The following CHAT variants were observed in gnomAD, a reference collection of about 807,000 sequenced individuals.
The protein encoded by CHAT is acetyl CoA:choline O-acetyltransferase.
In CHAT, 61 loss-of-function variants were observed where a neutral mutation model predicts 76.9. The ratio of observed to expected loss-of-function variants is 0.79; its 90% CI spans 0.65 to 0.98. The LOEUF (loss-of-function observed/expected upper bound fraction) is 0.98, where lower values mean the gene tolerates loss of function less well. Ranked by LOEUF, CHAT falls within the 50% of genes least tolerant of loss-of-function variation. CHAT has a pLI of 0.00. For synonymous variants in CHAT, 407 were observed against 397.4 expected (o/e 1.02, Z -0.29); for missense variants, 946 against 986.9 (o/e 0.96, Z 0.56).
At chr10:49,615,990 C>G (rs1256102659) in intron 1 of CHAT, 5 of 1,580,358 alleles carry the variant, frequency 3.2e-6, no homozygotes, top group Non-Finnish European at 3.5e-6. Context: ...TCCATTCACC[C>G]ACGCATGCAT....
At chr10:49,628,716 C>G (rs1839010052) in intron 7 of CHAT, among the ~76,000 whole-genome samples, 1 of 152,218 alleles carries the variant, frequency 6.6e-6, no homozygotes, top group Non-Finnish European at 1.5e-5. Flanking sequence ...GTGAAAGGCT[C>G]TGTTAGAAGA....
chr10:49,663,713 G>A (rs1840269393), intron 14 of CHAT, among the ~76,000 whole-genome samples: 1 of 152,226 alleles, frequency 6.6e-6, no homozygotes, highest in Admixed American at 6.5e-5. Context: ...TGGATGGGCA[G>A]TACTGGAGTT....
At chr10:49,638,760 A>C (rs1482318256) in intron 7 of CHAT, among the ~76,000 whole-genome samples, 1 of 152,210 alleles carries the variant, frequency 6.6e-6, no homozygotes, top group Non-Finnish European at 1.5e-5. Context: ...ATCTCTATAT[A>C]CATTTAGAAC....
At chr10:49,612,668 C>T, upstream of CHAT, 1 of 319,884 alleles carries the variant, frequency 3.1e-6, no homozygotes, top group Non-Finnish European at 6.0e-6. Flanking sequence ...CAAACTTGGG[C>T]CGCTGCACCG....
rs1340997411 is a variant in CHAT, at chr10:49,666,250, C to G, written c.*1204C>G. On this transcript the variant is annotated 3_prime_UTR_variant, in exon 15 of 15. Transcript: ENST00000337653. ...GTCAGCCCCAGCCCCAGCCCCAGCT[C>G]CAGCTCCAGCCCCAGCTCCAGCTCC... Among the ~76,000 whole-genome samples the G allele has an allele frequency of 6.7e-6, 1 of 149,632 alleles. No individual in the cohort carries two copies. The highest frequency in any genetic ancestry group is 1.9e-4 in the East Asian group (1 of 5,158).
At chr10:49,629,528 C>A (rs1839041463) in intron 7 of CHAT, among the ~76,000 whole-genome samples, 1 of 152,238 alleles carries the variant, frequency 6.6e-6, no homozygotes, top group African/African-American at 2.4e-5. Context: ...AGACAGGCAT[C>A]AAAATAATCG....
At chr10:49,610,073 G>A (rs564334685), upstream of CHAT, among the ~76,000 whole-genome samples, 10 of 152,046 alleles carry the variant, frequency 6.6e-5, no homozygotes, top group African/African-American at 2.4e-4. Flanking sequence ...GGCGCGGAAC[G>A]CCCATCCCAG....
chr10:49,627,899 T>C, intron 7 of CHAT, 114 bp downstream of exon 7: 1 of 1,270,994 alleles, frequency 7.9e-7, no homozygotes, highest in Non-Finnish European at 1.1e-6. Context: ...GTGTGGGAGC[T>C]CAGGGCCCAC....
At chr10:49,612,345 C>T (rs1285034659), upstream of CHAT, 1 of 1,576,270 alleles carries the variant, frequency 6.3e-7, no homozygotes, top group African/African-American at 1.3e-5. Context: ...GCTAGCATCC[C>T]CACTCCTCCT....
At chr10:49,642,984 G>A (rs774954674) in intron 7 of CHAT, among the ~76,000 whole-genome samples, 22 of 152,214 alleles carry the variant, frequency 1.4e-4, no homozygotes, top group Non-Finnish European at 3.2e-4. Context: ...CATAGCCCTT[G>A]TTGATGAACC....
rs1309649864 is a variant in CHAT at position 49,614,239 on chromosome 10, G to T, written c.50G>T (p.Trp17Leu). Residue 17 changes from tryptophan to leucine, a missense_variant, in exon 1 of 15, where the codon TGG becomes TTG. Coordinates refer to ENST00000337653, the MANE Select transcript of CHAT (RefSeq NM_020549.5). ...AGGGGGCTTGGGGGAGGGGGGAAAT[G>T]GAAGAGAGAGGAGGGAGGAGGTACA... is the stretch of plus-strand genomic sequence containing the variant. Reference protein sequence around the residue: ...KKRGLGGGGKWKREEGGGTRG... With the variant: ...KKRGLGGGGKLKREEGGGTRG... 6.5e-7 allele frequency: 1 copy of T among 1,544,358 alleles called. No homozygotes were observed. The highest frequency in any genetic ancestry group is 8.7e-7 in the Non-Finnish European group (1 of 1,143,344).
rs1035875545 is a variant in CHAT at position 49,614,054 on chromosome 10, C to T, written c.-136C>T. On this transcript the variant is annotated 5_prime_UTR_variant, in exon 1 of 15. Coordinates refer to ENST00000337653, the MANE Select transcript of CHAT (RefSeq NM_020549.5). ...TGACTGGGAAATGCTGAGCTAGGGGCAGGAGGCATGGGCGGGACAGTGTTC... is the reference window on the plus strand; with the variant it reads ...TGACTGGGAAATGCTGAGCTAGGGGTAGGAGGCATGGGCGGGACAGTGTTC... 11 of 1,451,720 alleles carry T rather than the reference C, an allele frequency of 7.6e-6. No homozygotes were observed. The highest frequency in any genetic ancestry group is 1.4e-5 in the African/African-American group (1 of 71,524). The allele number at this position is 1,451,720 out of a possible 1,614,324, so 89.9% of individuals were successfully genotyped here. A position where few individuals can be genotyped will look rare whatever the true frequency, so the allele number is the denominator to read the frequency against.
At chr10:49,611,581 C>G (rs375261898), upstream of CHAT, 29 of 1,608,670 alleles carry the variant, frequency 1.8e-5, no homozygotes, top group African/African-American at 3.1e-4. Context: ...AGTGGGCACT[C>G]CCATCCACCG....
chr10:49,633,769 G>A (rs141378265), intron 7 of CHAT, among the ~76,000 whole-genome samples: 12 of 152,340 alleles, frequency 7.9e-5, no homozygotes, highest in African/African-American at 2.4e-4. Flanking sequence ...TGGCTTTCCT[G>A]GGTGCTGCCG....
intron 10 of CHAT, among the ~76,000 whole-genome samples, chr10:49,649,866 ATTTTTTTTTTTTTT>A (rs59979541): frequency 1.4e-3 from 168 of 117,780 alleles, no homozygotes; most frequent in Middle Eastern, 9.0e-3. Flanking sequence ...ACGCAGGGCT[ATTTTTTTTTTTTTT>A]TTTTTTTTTT....
rs745437517 is a variant in CHAT at position 49,620,517 on chromosome 10, A to G, written c.602A>G (p.Asp201Gly). ...CAGGTGTCTGAGTACTGGCTGAATGACATGTATCTCAACAACCGCCTGGCC... is the reference window on the plus strand; with the variant it reads ...CAGGTGTCTGAGTACTGGCTGAATGGCATGTATCTCAACAACCGCCTGGCC... ...ANWVSEYWLN[D>G]MYLNNRLALP... The change falls in exon 4 of 15, where the codon GAC (aspartate) becomes GGC (glycine). Residue 201 changes from aspartate to glycine, a missense_variant. Transcript: ENST00000337653. The G allele has an allele frequency of 1.2e-6, 2 of 1,613,550 alleles. No individual in the cohort carries two copies. Among genetic ancestry groups the G allele is most frequent in the East Asian group, 4.5e-5 (2 of 44,838 alleles).
chr10:49,652,468 C>T (rs1292851746), intron 11 of CHAT, among the ~76,000 whole-genome samples: 3 of 152,144 alleles, frequency 2.0e-5, no homozygotes, highest in East Asian at 3.9e-4. Context: ...TGCCCTTTCT[C>T]GTATCCCCGC....
At chr10:49,633,532 A>T (rs1324856999) in intron 7 of CHAT, among the ~76,000 whole-genome samples, 2 of 152,226 alleles carry the variant, frequency 1.3e-5, no homozygotes, top group East Asian at 3.9e-4. Flanking sequence ...CAGGGAGGCC[A>T]GGTGGGATTC....
In CHAT at chr10:49,614,110, C is replaced by T. The variant is rs1268567986; in HGVS notation, c.-80C>T. The T allele has an allele frequency of 1.3e-6, 2 of 1,544,862 alleles. No individual in the cohort carries two copies. Among genetic ancestry groups the T allele is most frequent in the African/African-American group, 2.7e-5 (2 of 72,838 alleles). On this transcript the variant is annotated 5_prime_UTR_variant, in exon 1 of 15. Coordinates refer to ENST00000337653, the MANE Select transcript of CHAT (RefSeq NM_020549.5). Reference sequence around the variant, plus strand: ...CCCCTTCTAGAGCCTAAATTTGTTGCCCGAGTTCCTCCGGGAAGCGCTCCG... The same window carrying T: ...CCCCTTCTAGAGCCTAAATTTGTTGTCCGAGTTCCTCCGGGAAGCGCTCCG...
Sources: allele counts gnomAD v4.1 joint callset (sites outside exome capture counted in the v4.1 genomes callset), GRCh38; gene constraint gnomAD v4.1.1; transcripts MANE v1.5; gene names NCBI Gene and HGNC (gene_info 2026-07-23, HGNC 2026-07-21).